The following DZANK1 variants were observed in gnomAD, a reference collection of about 807,000 sequenced individuals.
DZANK1 encodes double zinc ribbon and ankyrin repeat domains 1.
A neutral mutation model predicts 94.5 loss-of-function variants in DZANK1; 91 were observed. The ratio of observed to expected loss-of-function variants is 0.96; its 90% confidence interval spans 0.81 to 1.15. The LOEUF is 1.15. DZANK1 is among the 50% of genes most tolerant of loss of function. The pLI is 0.00. For missense variants in DZANK1, 903 were observed against 916.4 expected, an observed-to-expected ratio of 0.99 and a Z score of 0.19; for synonymous variants, 312 against 325.3, an observed-to-expected ratio of 0.96 and a Z score of 0.44.
rs1173914602 is a variant in DZANK1, at chr20:18,449,138, T to C, written c.544-69A>G. 8.4e-6 allele frequency: 11 copies of C among 1,308,642 alleles called. No homozygotes were observed. In the Admixed American group the frequency reaches 1.6e-4, roughly 20 times the overall value. The allele number at this position is 1,308,642 out of a possible 1,614,324, so 81.1% of individuals were successfully genotyped here. On this transcript the variant is annotated intron_variant, in intron 6 of 20. Transcript: ENST00000262547. ...AAATAACATGGTAAAGGCTATGGTATAGTAAAATTCCATTAAAAATCATTA... is the reference window on the plus strand; with the variant it reads ...AAATAACATGGTAAAGGCTATGGTACAGTAAAATTCCATTAAAAATCATTA...
At chr20:18,435,077 G>A (rs1271429455) in intron 8 of DZANK1, among the ~76,000 whole-genome samples, 1 of 152,174 alleles carries the variant, frequency 6.6e-6, no homozygotes, top group Non-Finnish European at 1.5e-5. Context: ...CCTGGCTGAT[G>A]GGAACTACAC....
At chr20:18,460,375 G>A (rs2059434312) in intron 2 of DZANK1, 69 bp from the exon 3 acceptor site, 1 of 1,139,596 alleles carries the variant, frequency 8.8e-7, no homozygotes, top group South Asian at 2.2e-5. Flanking sequence ...ATGCCTATAG[G>A]TCAGTTTAAG....
rs1229572948 is a variant in DZANK1 at position 18,464,105 on chromosome 20, G to T, written c.109+1145C>A. Among the ~76,000 whole-genome samples, 4 of 147,180 alleles carry T rather than the reference G, an allele frequency of 2.7e-5. No individual in the cohort carries two copies. The South Asian group carries it at 8.5e-4, about 31-fold the overall frequency. ...TTTTTTTTTTTTGAGATGGAGTCTTGTTCTGTCTCCCAGGCTGGAGTACAG... is the reference window on the plus strand; with the variant it reads ...TTTTTTTTTTTTGAGATGGAGTCTTTTTCTGTCTCCCAGGCTGGAGTACAG... On this transcript the variant is annotated intron_variant, in intron 2 of 20. Coordinates refer to ENST00000262547, the Ensembl canonical transcript of DZANK1.
At chr20:18,388,916 G>C (rs2048679214) in intron 19 of DZANK1, among the ~76,000 whole-genome samples, 1 of 152,198 alleles carries the variant, frequency 6.6e-6, no homozygotes, top group Non-Finnish European at 1.5e-5. Flanking sequence ...GTACACAGCA[G>C]AATGTTCCAC....
chr20:18,439,486 G>A (rs1168408666), intron 8 of DZANK1, among the ~76,000 whole-genome samples: 9 of 152,154 alleles, frequency 5.9e-5, no homozygotes, highest in Non-Finnish European at 1.5e-5. Flanking sequence ...CTAGAAGGCT[G>A]CCCGTCTATC....
At chr20:18,462,275 C>T (rs1186846820) in intron 2 of DZANK1, among the ~76,000 whole-genome samples, 1 of 152,072 alleles carries the variant, frequency 6.6e-6, no homozygotes, top group Middle Eastern at 3.4e-3. Flanking sequence ...AGGAAGGACA[C>T]TGAAACAGTA....
Position 18,452,829 on chromosome 20 carries a change from A to G in DZANK1, c.476-147T>C, listed in dbSNP as rs1281249227. 2.6e-5 allele frequency: 35 copies of G among 1,320,844 alleles called. No homozygotes were observed. The East Asian group carries it at 9.0e-4, about 34-fold the overall frequency. 81.8% of individuals were successfully genotyped at this position (1,320,844 alleles called of 1,614,324 possible). ...TCTTCACAGCGGGAGACCTTTTAAT[A>G]AAGAACCACTGTCACCACATTGCTT... On this transcript the variant is annotated intron_variant, in intron 5 of 20. Coordinates refer to ENST00000262547, the Ensembl canonical transcript of DZANK1.
chr20:18,442,158 G>C (rs375807727), intron 8 of DZANK1, among the ~76,000 whole-genome samples: 1 of 152,254 alleles, frequency 6.6e-6, no homozygotes, highest in East Asian at 1.9e-4. Context: ...TATAACTGGG[G>C]GGCAATCTAG....
At chr20:18,413,443 G>T (rs1285099413) in intron 12 of DZANK1, among the ~76,000 whole-genome samples, 1 of 152,176 alleles carries the variant, frequency 6.6e-6, no homozygotes, top group Non-Finnish European at 1.5e-5. Context: ...AAAGGAATAA[G>T]GGCTAGTGGC....
In DZANK1 at chr20:18,415,452, G is replaced by A. The variant is rs2057447921; in HGVS notation, c.955-3C>T. The A allele has an allele frequency of 1.3e-6, 2 of 1,493,818 alleles. No individual in the cohort carries two copies. The highest frequency in any genetic ancestry group is 2.2e-5 in the Admixed American group (1 of 45,526). The allele number at this position is 1,493,818 out of a possible 1,614,324, so 92.5% of individuals were successfully genotyped here. On this transcript the variant is annotated splice_polypyrimidine_tract_variant and splice_region_variant and intron_variant, in intron 10 of 20. Coordinates refer to ENST00000262547, the Ensembl canonical transcript of DZANK1. ...GCTTTATCCCCACTGCACATCGACT[G>A]GTGAATGAAATGGCATTTAAAGGCA... is the stretch of plus-strand genomic sequence containing the variant.
chr20:18,406,333 T>C (rs779013618), intron 13 of DZANK1, among the ~76,000 whole-genome samples: 1 of 152,244 alleles, frequency 6.6e-6, no homozygotes, highest in Admixed American at 6.5e-5. Flanking sequence ...AAAGAGCACT[T>C]TGTCTTGTAT....
At chr20:18,391,237 C>CA (rs1555848737) in intron 17 of DZANK1, among the ~76,000 whole-genome samples, 1 of 149,844 alleles carries the variant, frequency 6.7e-6, no homozygotes, top group East Asian at 1.9e-4. Context: ...ATTTCAAGAT[C>CA]TTTTTTTTTT....
At position 18,384,593 on chromosome 20, in the gene DZANK1, C is replaced by T. The variant is rs762580469; in HGVS notation, c.2094-29G>A. 9.6e-6 allele frequency: 15 copies of T among 1,558,154 alleles called. No homozygotes were observed. In the South Asian group the frequency reaches 1.4e-4, roughly 14 times the overall value. Reference sequence around the variant, plus strand: ...CAAAGGAAATGGAGAAACGGAGGTGCACTGAAGGACTTGAACATGTGACCC... The same window carrying T: ...CAAAGGAAATGGAGAAACGGAGGTGTACTGAAGGACTTGAACATGTGACCC... On this transcript the variant is annotated intron_variant, in intron 20 of 20. Transcript: ENST00000262547.
chr20:18,465,177 A>G, intron 2 of DZANK1, 73 bp downstream of exon 2: 1 of 1,035,406 alleles, frequency 9.7e-7, no homozygotes, highest in Non-Finnish European at 1.4e-6. Context: ...GCAAAGAGAT[A>G]AACCAGCAAC....
rs1398898582 is a variant in DZANK1, at chr20:18,441,383, T to G, written c.747+1964A>C. Among the ~76,000 whole-genome samples, 2 of 152,202 alleles carry G rather than the reference T, an allele frequency of 1.3e-5. No individual in the cohort carries two copies. The highest frequency in any genetic ancestry group is 2.9e-5 in the Non-Finnish European group (2 of 68,046). On this transcript the variant is annotated intron_variant, in intron 8 of 20. Transcript: ENST00000262547. The surrounding 1 kb of genome is among the most constrained non-coding windows in gnomAD (Gnocchi z 4.1). ...GACCAATCCCACTACCAATTCTGTA[T>G]CAGTCAGAGTCCAATCAGGACATAG... is the stretch of plus-strand genomic sequence containing the variant.
chr20:18,411,646 A>G (rs919290415), intron 13 of DZANK1, among the ~76,000 whole-genome samples: 1 of 152,224 alleles, frequency 6.6e-6, no homozygotes, highest in Admixed American at 6.5e-5. Flanking sequence ...CAGACAGTAG[A>G]AGGAAAGAAG....
Position 18,415,320 on chromosome 20 carries a change from T to C in DZANK1, c.1077+7A>G, listed in dbSNP as rs2057438925. On this transcript the variant is annotated splice_region_variant and intron_variant, in intron 11 of 20. Transcript: ENST00000262547. ...AGTATACAGAATCTCAGTTTTAAAA[T>C]ACCCACCATGGCTCCACACCAGCCG... 5 of 1,527,680 alleles carry C rather than the reference T, an allele frequency of 3.3e-6. No individual in the cohort carries two copies. In the African/African-American group the frequency reaches 4.2e-5, roughly 13 times the overall value. The allele number at this position is 1,527,680 out of a possible 1,614,324, so 94.6% of individuals were successfully genotyped here. A position where few individuals can be genotyped will look rare whatever the true frequency, so the allele number is the denominator to read the frequency against.
chr20:18,419,117 C>A (rs1235617274), intron 10 of DZANK1, among the ~76,000 whole-genome samples: 4 of 152,052 alleles, frequency 2.6e-5, no homozygotes, highest in Non-Finnish European at 5.9e-5. Flanking sequence ...CAAAAATTAG[C>A]CAGGCTTGGT....
rs1163074780 is a variant in DZANK1, at chr20:18,441,092, GAGA to G, written c.747+2252_747+2254del. Among the ~76,000 whole-genome samples the G allele has an allele frequency of 2.6e-5, 4 of 152,128 alleles. No homozygotes were observed. The East Asian group carries it at 7.7e-4, about 29-fold the overall frequency. ...TCTGTGAATGCTCCCATGGACTCAGGAGAATACATCCTCCACCACAGTTTTTGT... is the reference window on the plus strand; with the variant it reads ...TCTGTGAATGCTCCCATGGACTCAGGATACATCCTCCACCACAGTTTTTGT... On this transcript the variant is annotated intron_variant, in intron 8 of 20. Transcript: ENST00000262547. The surrounding 1 kb of genome is among the most constrained non-coding windows in gnomAD (Gnocchi z 4.1).
Sources: gnomAD v4.1 joint callset for allele counts (sites outside exome capture counted in the v4.1 genomes callset) on GRCh38, gnomAD v4.1.1 for gene constraint, Gnocchi (gnomAD v3.1) non-coding constraint, MANE v1.5 for transcripts, NCBI Gene and HGNC (gene_info 2026-07-23, HGNC 2026-07-21) for gene names.